Variants in SLC26A11 observed in about 807,000 individuals in gnomAD.
SLC26A11 encodes solute carrier family 26 member 11.
In SLC26A11, 58 loss-of-function variants were observed where a neutral mutation model predicts 62.2. The ratio of observed to expected loss-of-function variants is 0.93; its 90% CI spans 0.76 to 1.16. The LOEUF (loss-of-function observed/expected upper bound fraction) is 1.16, where lower values mean the gene tolerates loss of function less well. Among genes scored for constraint, SLC26A11 ranks in the 50% most tolerant of loss-of-function variants. The pLI, the probability that SLC26A11 is intolerant of heterozygous loss-of-function variation, is 0.00. For missense variants in SLC26A11, 790 were observed against 794.3 expected, an observed-to-expected ratio of 0.99 and a Z score of 0.06; for synonymous variants, 411 against 368.9, an observed-to-expected ratio of 1.11 and a Z score of -1.31.
chr17:80,226,802 G>A (rs1567947441), intron 6 of SLC26A11, among the ~76,000 whole-genome samples: 1 of 152,220 alleles, frequency 6.6e-6, no homozygotes. Flanking sequence ...CTCTCTGGCT[G>A]GAAGGGGCTG....
chr17:80,248,802 A>G, intron 15 of SLC26A11, 128 bp downstream of exon 15: 1 of 977,930 alleles, frequency 1.0e-6, no homozygotes, highest in Non-Finnish European at 1.5e-6. Flanking sequence ...GGCATCTCTG[A>G]GTGGGCTGGA....
At position 80,238,087 on chromosome 17, in the gene SLC26A11, G is replaced by A. The variant is rs559010027; in HGVS notation, c.985+493G>A. 1.8e-4 allele frequency among the ~76,000 whole-genome samples: 28 copies of A among 152,344 alleles called. No homozygotes were observed. In the East Asian group the frequency reaches 5.2e-3, roughly 28 times the overall value. On this transcript the variant is annotated intron_variant, in intron 9 of 17. Transcript: ENST00000361193. ...AAGTATTATCTTTGGGCCAGGCATG[G>A]TGGCCCAGGCCTGTAATCCCAACAC... is the stretch of plus-strand genomic sequence containing the variant.
rs548459982 is a variant in SLC26A11, at chr17:80,228,506, C to G, written c.736+546C>G. Among the ~76,000 whole-genome samples, 1 of 152,344 alleles carries G rather than the reference C, an allele frequency of 6.6e-6. No individual in the cohort carries two copies. The highest frequency in any genetic ancestry group is 1.9e-4 in the East Asian group (1 of 5,176). ...GCAGGGTCAGAGCTGAGAACTGATG[C>G]ATGGCCAGCTGTGGCCGTTCTCAAC... On this transcript the variant is annotated intron_variant, in intron 7 of 17. Transcript: ENST00000361193. This position sits in a 1 kb window ranked among gnomAD's most constrained non-coding sequence, Gnocchi z 4.1.
At chr17:80,224,470 TGA>T (rs1452213542) in intron 5 of SLC26A11, among the ~76,000 whole-genome samples, 4 of 151,548 alleles carry the variant, frequency 2.6e-5, no homozygotes, top group Non-Finnish European at 4.4e-5. Flanking sequence ...TGTGAGTGTG[TGA>T]GTGTGAGAAT....
chr17:80,241,159 T>C (rs2042848997), intron 9 of SLC26A11, among the ~76,000 whole-genome samples: 1 of 152,258 alleles, frequency 6.6e-6, no homozygotes. Context: ...TGTTTATTAA[T>C]ATACATTCAT....
chr17:80,231,245 C>T (rs2042559844), intron 7 of SLC26A11, among the ~76,000 whole-genome samples: 1 of 150,290 alleles, frequency 6.7e-6, no homozygotes, highest in African/African-American at 2.4e-5. Context: ...TCACTGCAAC[C>T]TCCGCCTCCC....
chr17:80,231,375 G>A (rs1358983200), intron 7 of SLC26A11, among the ~76,000 whole-genome samples: 1 of 151,376 alleles, frequency 6.6e-6, no homozygotes, highest in East Asian at 1.9e-4. Flanking sequence ...TGTTGGCCAG[G>A]CTGGTCTCGA....
rs912806369 is a variant in SLC26A11, at chr17:80,223,527, G to A, written c.513+190G>A. ...CCCCTGTTAATAAAATGACCCTCCT[G>A]GGAGGGATGTCACGTGATGGTTGGA... On this transcript the variant is annotated intron_variant, in intron 5 of 17. Coordinates refer to ENST00000361193, the MANE Select transcript of SLC26A11 (RefSeq NM_001166347.2). This position sits in a 1 kb window ranked among gnomAD's most constrained non-coding sequence, Gnocchi z 4.6. 3.9e-5 allele frequency among the ~76,000 whole-genome samples: 6 copies of A among 152,180 alleles called. No individual in the cohort carries two copies. The highest frequency in any genetic ancestry group is 8.8e-5 in the Non-Finnish European group (6 of 68,032).
At chr17:80,224,442 A>T (rs74723943) in intron 5 of SLC26A11, among the ~76,000 whole-genome samples, 189 of 120,314 alleles carry the variant, frequency 1.6e-3, no homozygotes, top group African/African-American at 6.3e-3. Flanking sequence ...TGTGGGTGTG[A>T]GAGTGTGAGT....
At chr17:80,226,677 G>A (rs909162866) in intron 6 of SLC26A11, among the ~76,000 whole-genome samples, 3 of 152,168 alleles carry the variant, frequency 2.0e-5, no homozygotes, top group African/African-American at 7.2e-5. Flanking sequence ...CTCCAGCCCG[G>A]GTGATAGAGT....
intron 7 of SLC26A11, among the ~76,000 whole-genome samples, chr17:80,235,113 G>A (rs767135057): frequency 2.0e-5 from 3 of 152,106 alleles, no homozygotes; most frequent in Non-Finnish European, 2.9e-5. Flanking sequence ...GCCTCCCAAA[G>A]TGCTGGGATT....
intron 6 of SLC26A11, among the ~76,000 whole-genome samples, chr17:80,226,658 G>A (rs1406829728): frequency 3.3e-5 from 5 of 152,126 alleles, no homozygotes; most frequent in African/African-American, 1.2e-4. Context: ...CTGAGATCAC[G>A]CCACTGCACT....
Position 80,252,659 on chromosome 17 carries a change from C to T in SLC26A11, c.1764C>T (p.Pro588=). 1.2e-6 allele frequency: 2 copies of T among 1,614,038 alleles called. No homozygotes were observed. The highest frequency in any genetic ancestry group is 2.2e-5 in the East Asian group (1 of 44,878). The stretch of plus-strand genomic sequence containing the variant: ...TGAGGCAGGAGCCAGGGACCCAGCC[C>T]TACAACATCAGAGAAGACTCCATTC... The part of the protein sequence containing the change: ...KHLRQEPGTQ[P]YNIREDSILD... Residue 588 remains proline, a synonymous_variant, in exon 18 of 18, where the codon CCC becomes CCT. Transcript: ENST00000361193. The surrounding 1 kb of genome is among the most constrained non-coding windows in gnomAD (Gnocchi z 5.2).
intron 7 of SLC26A11, among the ~76,000 whole-genome samples, chr17:80,231,036 C>CT (rs35078156): frequency 6.6e-6 from 1 of 151,198 alleles, no homozygotes; most frequent in South Asian, 2.1e-4. Flanking sequence ...AAAGAACCAC[C>CT]TTTGGTTTCA....
rs1369232609 is a variant in SLC26A11 at position 80,247,078 on chromosome 17, T to A, written c.1294+429T>A. 5.9e-5 allele frequency among the ~76,000 whole-genome samples: 9 copies of A among 151,672 alleles called. No individual in the cohort carries two copies. In the South Asian group the frequency reaches 8.3e-4, roughly 14 times the overall value. On this transcript the variant is annotated intron_variant, in intron 13 of 17. Coordinates refer to ENST00000361193, the MANE Select transcript of SLC26A11 (RefSeq NM_001166347.2). Reference sequence around the variant, plus strand: ...TCCTTTTTTTTTTTTTATTATTATTTTTATTTTTTTTTATTGATCATTCTT... The same window carrying A: ...TCCTTTTTTTTTTTTTATTATTATTATTATTTTTTTTTATTGATCATTCTT...
chr17:80,223,430 T>C lies in SLC26A11; in HGVS notation c.513+93T>C. Reference sequence around the variant, plus strand: ...CAGGACTGAGGCCAGTCCTGATCCCTGTGGCCAGTGGACGTCTTGCTGTTT... The same window carrying C: ...CAGGACTGAGGCCAGTCCTGATCCCCGTGGCCAGTGGACGTCTTGCTGTTT... On this transcript the variant is annotated intron_variant, in intron 5 of 17. Coordinates refer to ENST00000361193, the MANE Select transcript of SLC26A11 (RefSeq NM_001166347.2). The surrounding 1 kb of genome is among the most constrained non-coding windows in gnomAD (Gnocchi z 4.6). The C allele has an allele frequency of 1.7e-6, 2 of 1,175,294 alleles. No homozygotes were observed. Among genetic ancestry groups the C allele is most frequent in the Non-Finnish European group, 2.5e-6 (2 of 802,594 alleles). 72.8% of individuals were successfully genotyped at this position (1,175,294 alleles called of 1,614,324 possible).
In SLC26A11 at chr17:80,220,994, C is replaced by CCA. The variant is rs1303403962; in HGVS notation, c.-133_-132dup. On this transcript the variant is annotated 5_prime_UTR_variant, in exon 2 of 18. Transcript: ENST00000361193. ...GTGGCCTCAGGAGCGGAGGACCCCC[C>CCA]CACTCTCCCTCGAGCGCCGCAGTCC... The CCA allele has an allele frequency of 6.5e-6, 1 of 152,850 alleles. No homozygotes were observed. Among genetic ancestry groups the CCA allele is most frequent in the Non-Finnish European group, 1.5e-5 (1 of 68,542 alleles). 9.5% of individuals were successfully genotyped at this position (152,850 alleles called of 1,614,324 possible).
chr17:80,251,267 C>A, intron 16 of SLC26A11, 62 bp from the exon 17 acceptor site: 2 of 1,613,544 alleles, frequency 1.2e-6, no homozygotes, highest in Non-Finnish European at 1.7e-6. Context: ...GTCTACCAGG[C>A]TGCCGACCCG....
chr17:80,241,765 C>T lies in SLC26A11; in HGVS notation c.986-6C>T. On this transcript the variant is annotated splice_polypyrimidine_tract_variant and splice_region_variant and intron_variant, in intron 9 of 17. Transcript: ENST00000361193. The stretch of plus-strand genomic sequence containing the variant: ...TGACCAGGTCTTTACCGTTGGTTCC[C>T]TTTAGCATCTCAGAATAATTACCGC... 1.2e-6 allele frequency: 2 copies of T among 1,614,150 alleles called. No individual in the cohort carries two copies. The highest frequency in any genetic ancestry group is 2.2e-5 in the South Asian group (2 of 91,088).
Sources: allele counts gnomAD v4.1 joint callset (sites outside exome capture counted in the v4.1 genomes callset), GRCh38; gene constraint gnomAD v4.1.1; non-coding constraint Gnocchi (gnomAD v3.1); transcripts MANE v1.5; gene names NCBI Gene and HGNC (gene_info 2026-07-23, HGNC 2026-07-21).